MAGI2: variants seen among roughly 807,000 people sequenced by gnomAD.
MAGI2 encodes the protein membrane-associated guanylate kinase, WW and PDZ domain-containing protein 2.
MAGI2 carries 35 observed loss-of-function variants against 133.3 expected under a neutral mutation model. The observed-to-expected ratio is 0.26, with a 90% CI of 0.20 to 0.35. The LOEUF (loss-of-function observed/expected upper bound fraction) is 0.35, where lower values mean the gene tolerates loss of function less well. Among genes scored for constraint, MAGI2 ranks in the 10% least tolerant of loss-of-function variants. MAGI2 has a pLI of 1.00. For missense variants in MAGI2, 1,636 were observed against 1,863.4 expected (o/e 0.88, Z 2.25); for synonymous variants, 729 against 710.6 (o/e 1.03, Z -0.41).
chr7:78,405,805 T>A (rs968013380), intron 6 of MAGI2, among the ~76,000 whole-genome samples: 1 of 152,088 alleles, frequency 6.6e-6, no homozygotes, highest in East Asian at 1.9e-4. Flanking sequence ...TGCATTTCTA[T>A]GTTTGACTTG....
At chr7:78,611,344 T>C (rs1806419933) in intron 3 of MAGI2, among the ~76,000 whole-genome samples, 1 of 152,216 alleles carries the variant, frequency 6.6e-6, no homozygotes, top group South Asian at 2.1e-4. Context: ...ATCACATTCC[T>C]ATATCCTGTG....
At chr7:78,886,653 T>C (rs74302914) in intron 2 of MAGI2, among the ~76,000 whole-genome samples, 6,433 of 152,278 alleles carry the variant, frequency 0.042, 379 homozygotes, top group African/African-American at 0.12. Context: ...GCCCCATTTT[T>C]ATTAATAACT....
At chr7:79,270,026 A>G (rs548612729) in intron 1 of MAGI2, among the ~76,000 whole-genome samples, 1 of 152,208 alleles carries the variant, frequency 6.6e-6, no homozygotes, top group South Asian at 2.1e-4. Context: ...AGACTTTTTT[A>G]GAGATTCTTT....
At chr7:78,173,534 T>C (rs563319154) in intron 14 of MAGI2, among the ~76,000 whole-genome samples, 1 of 152,356 alleles carries the variant, frequency 6.6e-6, no homozygotes, top group South Asian at 2.1e-4. Flanking sequence ...GTAAAGACTC[T>C]ATTAAAGTAA....
chr7:79,360,557 A>T (rs1179888204), intron 1 of MAGI2, among the ~76,000 whole-genome samples: 1 of 152,122 alleles, frequency 6.6e-6, no homozygotes, highest in Non-Finnish European at 1.5e-5. Flanking sequence ...GACTCTGAAG[A>T]CAACAATATT....
chr7:78,403,628 T>A (rs962280908), intron 6 of MAGI2, among the ~76,000 whole-genome samples: 1 of 152,234 alleles, frequency 6.6e-6, no homozygotes, highest in African/African-American at 2.4e-5. Context: ...AGTGTAAAAG[T>A]GTTCCTATTT....
At chr7:79,214,604 A>G (rs1397441615) in intron 1 of MAGI2, among the ~76,000 whole-genome samples, 1 of 141,284 alleles carries the variant, frequency 7.1e-6, no homozygotes, top group Non-Finnish European at 1.5e-5. Context: ...AGTGCAAACA[A>G]AAGAAAAATT....
At chr7:78,424,139 G>A (rs1437542244) in intron 6 of MAGI2, among the ~76,000 whole-genome samples, 2 of 152,154 alleles carry the variant, frequency 1.3e-5, no homozygotes, top group African/African-American at 4.8e-5. Flanking sequence ...GCCAGGCCAA[G>A]GGTCCCCCTG....
chr7:78,539,313 A>G (rs999115511), intron 3 of MAGI2, among the ~76,000 whole-genome samples: 2 of 151,956 alleles, frequency 1.3e-5, no homozygotes, highest in Admixed American at 6.6e-5. Flanking sequence ...TGGTGTATCA[A>G]ATTTATTGAT....
At chr7:78,040,892 A>G (rs1810762680) in intron 21 of MAGI2, among the ~76,000 whole-genome samples, 1 of 152,190 alleles carries the variant, frequency 6.6e-6, no homozygotes, top group South Asian at 2.1e-4. Context: ...CATCCTTCCA[A>G]GGCGGCTAGA....
At chr7:78,281,298 GTAATCTCCATAATCCCC>G (rs1265451617) in intron 9 of MAGI2, among the ~76,000 whole-genome samples, 2 of 152,068 alleles carry the variant, frequency 1.3e-5, no homozygotes, top group African/African-American at 4.8e-5. Flanking sequence ...ATCTTGAATT[GTAATCTCCATAATCCCC>G]ACATGTCAAG....
At chr7:78,536,951 C>A (rs538199174) in intron 3 of MAGI2, among the ~76,000 whole-genome samples, 1 of 151,932 alleles carries the variant, frequency 6.6e-6, no homozygotes, top group African/African-American at 2.4e-5. Context: ...GTCTTTTATC[C>A]CTTGCTCCTC....
intron 9 of MAGI2, among the ~76,000 whole-genome samples, chr7:78,292,982 T>A (rs1207966361): frequency 6.6e-6 from 1 of 152,166 alleles, no homozygotes; most frequent in African/African-American, 2.4e-5. Flanking sequence ...ATAGAAACCC[T>A]AGAAGAAAAC....
chr7:78,849,711 G>A (rs546761431), intron 2 of MAGI2, among the ~76,000 whole-genome samples: 2 of 152,058 alleles, frequency 1.3e-5, no homozygotes, highest in East Asian at 1.9e-4. Context: ...GAAAATGAAA[G>A]GAAACCTCTC....
chr7:78,282,710 T>G (rs772792016), intron 9 of MAGI2, among the ~76,000 whole-genome samples: 4 of 152,128 alleles, frequency 2.6e-5, no homozygotes, highest in Non-Finnish European at 4.4e-5. Flanking sequence ...TAAATATAAT[T>G]CTGAAATAAA....
intron 13 of MAGI2, 27 bp downstream of exon 13, chr7:78,185,602 G>A (rs878904411): frequency 6.5e-7 from 1 of 1,537,402 alleles, no homozygotes. Flanking sequence ...TTTGTTCACA[G>A]AACTGTGAGT....
intron 2 of MAGI2, among the ~76,000 whole-genome samples, chr7:78,696,104 CTTTTTA>C (rs1563367718): frequency 6.6e-6 from 1 of 151,940 alleles, no homozygotes; most frequent in Non-Finnish European, 1.5e-5. Flanking sequence ...CCTGGATAAC[CTTTTTA>C]TTTTTGTTTT....
At chr7:78,600,819 G>A (rs1584796096) in intron 3 of MAGI2, among the ~76,000 whole-genome samples, 2 of 152,206 alleles carry the variant, frequency 1.3e-5, no homozygotes, top group African/African-American at 4.8e-5. Flanking sequence ...AGTGAAATGT[G>A]TAAAATTGAT....
intron 6 of MAGI2, among the ~76,000 whole-genome samples, chr7:78,418,860 A>G (rs916942453): frequency 2.6e-5 from 4 of 152,196 alleles, no homozygotes; most frequent in Admixed American, 6.6e-5. Flanking sequence ...AGGTAGTAGT[A>G]ATAGTGAATA....
Sources: gnomAD v4.1 joint callset for allele counts (sites outside exome capture counted in the v4.1 genomes callset) on GRCh38, gnomAD v4.1.1 for gene constraint, MANE v1.5 for transcripts, NCBI Gene and HGNC (gene_info 2026-07-23, HGNC 2026-07-21) for gene names.